PLPPR5: variants seen among roughly 807,000 people sequenced by gnomAD.
The protein encoded by PLPPR5 is phospholipid phosphatase related 5.
Under a neutral mutation model 33.9 loss-of-function variants are expected in PLPPR5, and 16 were observed. The observed-to-expected ratio is 0.47, with a 90% confidence interval of 0.32 to 0.72. The LOEUF is 0.72. Among genes scored for constraint, PLPPR5 ranks in the 30% least tolerant of loss-of-function variants. The pLI is 0.03. For missense variants in PLPPR5, 301 were observed against 406.7 expected, an observed-to-expected ratio of 0.74 and a Z score of 2.23; for synonymous variants, 163 against 150.3, an observed-to-expected ratio of 1.08 and a Z score of -0.62.
At chr1:98,918,475 T>C (rs942894194) in intron 4 of PLPPR5, among the ~76,000 whole-genome samples, 1 of 152,192 alleles carries the variant, frequency 6.6e-6, no homozygotes, top group Non-Finnish European at 1.5e-5. Flanking sequence ...AAAAATAGTG[T>C]TCAAATAGTA....
chr1:98,919,175 A>G (rs1289617525), intron 4 of PLPPR5, among the ~76,000 whole-genome samples: 2 of 152,356 alleles, frequency 1.3e-5, no homozygotes, highest in East Asian at 3.9e-4. Flanking sequence ...CTATTTTAGT[A>G]AGAAGCAATA....
chr1:98,965,637 T>G (rs1651420464), intron 1 of PLPPR5, among the ~76,000 whole-genome samples: 1 of 152,208 alleles, frequency 6.6e-6, no homozygotes, highest in Non-Finnish European at 1.5e-5. Flanking sequence ...TTATGCATAG[T>G]CCAACTTTGT....
rs77521465 is a variant in PLPPR5, at chr1:98,986,062, C to T, written c.237+18373G>A. 6.1e-3 allele frequency among the ~76,000 whole-genome samples: 933 copies of T among 152,016 alleles called. 15 individuals are homozygous for T. Among genetic ancestry groups the T allele is most frequent in the African/African-American group, 0.022 (906 of 41,522 alleles). ...TTAATGGGATAAAAGTTTACAAATG[C>T]ACTTGTCACCGTTTCAAAAATATTT... On this transcript the variant is annotated intron_variant, in intron 1 of 5. Transcript: ENST00000263177.
chr1:98,994,417 T>A (rs1652564511), intron 1 of PLPPR5, among the ~76,000 whole-genome samples: 1 of 152,024 alleles, frequency 6.6e-6, no homozygotes, highest in South Asian at 2.1e-4. Context: ...ACTTGAAAAA[T>A]TCAATAGACT....
At chr1:98,969,400 T>C (rs1651573755) in intron 1 of PLPPR5, among the ~76,000 whole-genome samples, 1 of 151,994 alleles carries the variant, frequency 6.6e-6, no homozygotes, top group Non-Finnish European at 1.5e-5. Flanking sequence ...AGAGCAAATA[T>C]TAATTCACAC....
intron 1 of PLPPR5, among the ~76,000 whole-genome samples, chr1:98,981,270 G>A (rs1652055131): frequency 6.6e-6 from 1 of 152,018 alleles, no homozygotes; most frequent in African/African-American, 2.4e-5. Context: ...AAGGAATCTT[G>A]ACTTCAACCT....
chr1:98,974,100 A>G (rs80063457), intron 1 of PLPPR5, among the ~76,000 whole-genome samples: 2,486 of 152,156 alleles, frequency 0.016, 76 homozygotes, highest in African/African-American at 0.058. Context: ...GGAAGGCTCC[A>G]AAGTCCATTT....
intron 5 of PLPPR5, among the ~76,000 whole-genome samples, chr1:98,912,276 G>C (rs1278267212): frequency 6.6e-6 from 1 of 152,100 alleles, no homozygotes; most frequent in Non-Finnish European, 1.5e-5. Context: ...TGTAAAATGG[G>C]AATATGCATT....
At chr1:98,899,655 C>CTTTT (rs1214385487) in intron 5 of PLPPR5, among the ~76,000 whole-genome samples, 61 of 138,584 alleles carry the variant, frequency 4.4e-4, no homozygotes, top group African/African-American at 1.4e-3. Context: ...GTTTATTTCA[C>CTTTT]TTGTTTTTTT....
chr1:98,942,076 A>AAG (rs138044131), intron 3 of PLPPR5, among the ~76,000 whole-genome samples: 25,080 of 147,776 alleles, frequency 0.17, 2,680 homozygotes, highest in Non-Finnish European at 0.22. Flanking sequence ...GAGAGGAAGA[A>AAG]AGAGAGAGAG....
At chr1:98,958,878 C>T (rs1217394958) in intron 1 of PLPPR5, among the ~76,000 whole-genome samples, 1 of 152,126 alleles carries the variant, frequency 6.6e-6, no homozygotes, top group Non-Finnish European at 1.5e-5. Flanking sequence ...CACATGATGG[C>T]TGCCCTCTCA....
At chr1:98,904,995 A>C (rs1223797986) in intron 5 of PLPPR5, among the ~76,000 whole-genome samples, 2 of 152,194 alleles carry the variant, frequency 1.3e-5, no homozygotes, top group Non-Finnish European at 2.9e-5. Flanking sequence ...AAAATGGCAT[A>C]ACATGCTGGG....
At chr1:98,916,830 G>T (rs1005458590) in intron 4 of PLPPR5, among the ~76,000 whole-genome samples, 1 of 152,118 alleles carries the variant, frequency 6.6e-6, no homozygotes, top group African/African-American at 2.4e-5. Context: ...AATAAGTCTT[G>T]TCTGCTAACA....
chr1:98,913,735 T>A lies in PLPPR5; in HGVS notation c.933+1051A>T, dbSNP rs191084337. Among the ~76,000 whole-genome samples the A allele has an allele frequency of 4.0e-3, 616 of 152,296 alleles. 1 individual carries two copies. Among genetic ancestry groups the A allele is most frequent in the Non-Finnish European group, 6.7e-3 (456 of 68,018 alleles). On this transcript the variant is annotated intron_variant, in intron 5 of 5. Transcript: ENST00000263177. ...TGTAACTGACTCCTCAGCTAAGATATTGACCAAATGTGGAACTGAACAGGA... is the reference window on the plus strand; with the variant it reads ...TGTAACTGACTCCTCAGCTAAGATAATGACCAAATGTGGAACTGAACAGGA...
chr1:98,947,902 G>T lies in PLPPR5; in HGVS notation c.621+5168C>A, dbSNP rs533313069. ...ACATAGCAGATGCTTCATCAAATTTGCTTGTTTGACATTTAGAGCACAGGG... is the reference window on the plus strand; with the variant it reads ...ACATAGCAGATGCTTCATCAAATTTTCTTGTTTGACATTTAGAGCACAGGG... On this transcript the variant is annotated intron_variant, in intron 3 of 5. Coordinates refer to ENST00000263177, the MANE Select transcript of PLPPR5 (RefSeq NM_001037317.2). Among the ~76,000 whole-genome samples, 5 of 152,306 alleles carry T rather than the reference G, an allele frequency of 3.3e-5. No individual in the cohort carries two copies. In the East Asian group the frequency reaches 7.7e-4, roughly 24 times the overall value.
intron 1 of PLPPR5, among the ~76,000 whole-genome samples, chr1:98,969,343 C>T (rs72730382): frequency 0.07 from 10,628 of 152,032 alleles, 507 homozygotes; most frequent in Non-Finnish European, 0.096. Flanking sequence ...TCATTCACCA[C>T]TTCCCTGGTT....
intron 1 of PLPPR5, among the ~76,000 whole-genome samples, chr1:98,973,137 T>G (rs1251305005): frequency 6.6e-6 from 1 of 152,088 alleles, no homozygotes; most frequent in Non-Finnish European, 1.5e-5. Context: ...TGTGACAGAA[T>G]AAATTTTCCT....
At chr1:98,962,976 G>A (rs1327536226) in intron 1 of PLPPR5, among the ~76,000 whole-genome samples, 1 of 152,102 alleles carries the variant, frequency 6.6e-6, no homozygotes, top group Non-Finnish European at 1.5e-5. Flanking sequence ...AATTTTCAGT[G>A]TGTCCTCATA....
chr1:99,004,656 C>T lies in PLPPR5; in HGVS notation c.16G>A (p.Ala6Thr), dbSNP rs978208719. The T allele has an allele frequency of 1.2e-5, 19 of 1,611,344 alleles. No individual in the cohort carries two copies. The highest frequency in any genetic ancestry group is 1.5e-5 in the Non-Finnish European group (18 of 1,179,126). ...TAGAGCATGCTGCTGGTGAGCGCCG[C>T]GGGCAGCAGGGGCATGCACGCCTCC... MPLLP[A>T]ALTSSMLYFQ... is the part of the protein sequence containing the mutation. Residue 6 changes from alanine to threonine, a missense_variant, in exon 1 of 6, where the codon GCG (alanine) becomes ACG (threonine). Transcript: ENST00000263177.
Sources: allele counts gnomAD v4.1 joint callset (sites outside exome capture counted in the v4.1 genomes callset), GRCh38; gene constraint gnomAD v4.1.1; transcripts MANE v1.5; gene names NCBI Gene and HGNC (gene_info 2026-07-23, HGNC 2026-07-21).